Variants in PSMA8 observed in about 807,000 individuals in gnomAD.
PSMA8 encodes the protein proteasome subunit alpha-type 8.
PSMA8 carries 18 observed loss-of-function variants against 32.4 expected under a neutral mutation model. The observed-to-expected ratio is 0.56, with a 90% confidence interval of 0.38 to 0.82. The LOEUF (loss-of-function observed/expected upper bound fraction) is 0.82, where lower values mean the gene tolerates loss of function less well. PSMA8 is among the 40% of genes least tolerant of loss of function. PSMA8 has a pLI of 0.00. For missense variants in PSMA8, 298 were observed against 300.7 expected, an observed-to-expected ratio of 0.99 and a Z score of 0.07; for synonymous variants, 104 against 98.1, an observed-to-expected ratio of 1.06 and a Z score of -0.36.
intron 4 of PSMA8, among the ~76,000 whole-genome samples, chr18:26,167,230 G>A (rs547589863): frequency 3.2e-4 from 49 of 152,162 alleles, no homozygotes; most frequent in Non-Finnish European, 4.4e-5. Flanking sequence ...TCTGAGAAGG[G>A]CATTAAAATA....
rs1598641443 is a variant in PSMA8, at chr18:26,141,422, G to A, written c.103-3137G>A. 2.0e-5 allele frequency among the ~76,000 whole-genome samples: 3 copies of A among 152,068 alleles called. No individual in the cohort carries two copies. In the East Asian group the frequency reaches 5.8e-4, roughly 29 times the overall value. On this transcript the variant is annotated intron_variant, in intron 1 of 6. Transcript: ENST00000415576. ...TATGAGAGTTATAAATTGTTGTCTTGTGACCAATAAATTTAACTTGATTTA... is the reference window on the plus strand; with the variant it reads ...TATGAGAGTTATAAATTGTTGTCTTATGACCAATAAATTTAACTTGATTTA...
chr18:26,179,053 C>T lies in PSMA8; in HGVS notation c.598-15C>T, dbSNP rs777456812. 6.2e-7 allele frequency: 1 copy of T among 1,610,742 alleles called. No individual in the cohort carries two copies. Among genetic ancestry groups the T allele is most frequent in the Non-Finnish European group, 8.5e-7 (1 of 1,178,516 alleles). On this transcript the variant is annotated splice_polypyrimidine_tract_variant and intron_variant, in intron 5 of 6. Coordinates refer to ENST00000415576, the MANE Select transcript of PSMA8 (RefSeq NM_001025096.2). ...TTGCTGAAATAATTCTAATAGTGTA[C>T]TTGTTCTACATTAGGTTGTCCAGTC...
At chr18:26,164,786 A>G (rs1164678925) in intron 4 of PSMA8, among the ~76,000 whole-genome samples, 1 of 152,208 alleles carries the variant, frequency 6.6e-6, no homozygotes, top group Non-Finnish European at 1.5e-5. Context: ...TGGATTGTAT[A>G]TTAGATAATG....
chr18:26,187,238 CAG>C lies in PSMA8; in HGVS notation c.661-5080_661-5079del, dbSNP rs537165113. On this transcript the variant is annotated intron_variant, in intron 6 of 6. Transcript: ENST00000415576. ...GTGTGCGCCTGTTGTCCCAGCTACTCAGGGGGCTGAGGCAGGAGAATCACTTG... is the reference window on the plus strand; with the variant it reads ...GTGTGCGCCTGTTGTCCCAGCTACTCGGGGCTGAGGCAGGAGAATCACTTG... Among the ~76,000 whole-genome samples the C allele has an allele frequency of 5.2e-3, 788 of 152,208 alleles. 7 individuals are homozygous for C. The highest frequency in any genetic ancestry group is 0.018 in the African/African-American group (745 of 41,518).
At chr18:26,160,505 G>A (rs1199282744) in intron 4 of PSMA8, among the ~76,000 whole-genome samples, 2 of 152,074 alleles carry the variant, frequency 1.3e-5, no homozygotes, top group Admixed American at 1.3e-4. Context: ...CTACTTCTGG[G>A]AACTATAACA....
chr18:26,140,365 A>C (rs781257063), intron 1 of PSMA8, among the ~76,000 whole-genome samples: 1 of 151,848 alleles, frequency 6.6e-6, no homozygotes, highest in Non-Finnish European at 1.5e-5. Flanking sequence ...TACCCACGTT[A>C]CTCTCCTTAC....
rs1268336778 is a variant in PSMA8 at position 26,133,924 on chromosome 18, A to G, written c.-42A>G. 6.5e-7 allele frequency: 1 copy of G among 1,529,458 alleles called. No individual in the cohort carries two copies. Among genetic ancestry groups the G allele is most frequent in the Non-Finnish European group, 9.1e-7 (1 of 1,104,594 alleles). The allele number at this position is 1,529,458 out of a possible 1,614,324, so 94.7% of individuals were successfully genotyped here. A position where few individuals can be genotyped will look rare whatever the true frequency, so the allele number is the denominator to read the frequency against. ...GCGGCTCCCCGCTTGCCTCAGCTGC[A>G]GCAGCGGGAAGCTCGGTGGCAAGCC... On this transcript the variant is annotated 5_prime_UTR_variant, in exon 1 of 7. Transcript: ENST00000415576.
chr18:26,145,227 T>C (rs2054992960), intron 2 of PSMA8, among the ~76,000 whole-genome samples: 1 of 152,184 alleles, frequency 6.6e-6, no homozygotes, highest in Non-Finnish European at 1.5e-5. Context: ...CAAGCAATTC[T>C]CCTGCCTCAG....
intron 4 of PSMA8, chr18:26,170,873 C>T: frequency 1.9e-6 from 3 of 1,559,488 alleles, no homozygotes; most frequent in South Asian, 2.2e-5. Context: ...CTTGCATGAT[C>T]CTTGTCACAA....
chr18:26,158,129 C>T lies in PSMA8; in HGVS notation c.362C>T (p.Thr121Ile). 1 of 1,583,022 alleles carries T rather than the reference C, an allele frequency of 6.3e-7. No individual in the cohort carries two copies. Among genetic ancestry groups the T allele is most frequent in the Non-Finnish European group, 8.6e-7 (1 of 1,159,478 alleles). ...TACGTTTTATTTTTCTAGAAATATA[C>T]CCAAAGCAATGGACGAAGACCTTTT... Reference protein sequence around the residue: ...RFIATLKQKYTQSNGRRPFGI... With the variant: ...RFIATLKQKYIQSNGRRPFGI... Residue 121 changes from threonine (T) to isoleucine (I), a missense_variant, in exon 4 of 7, where the codon ACC becomes ATC. By Grantham distance (89) the Thr-to-Ile change is moderately conservative. Transcript: ENST00000415576.
chr18:26,189,036 A>G (rs1478231194), intron 6 of PSMA8, among the ~76,000 whole-genome samples: 1 of 152,192 alleles, frequency 6.6e-6, no homozygotes, highest in Non-Finnish European at 1.5e-5. Context: ...GAAACAATCA[A>G]CAAAGTGAGG....
intron 1 of PSMA8, among the ~76,000 whole-genome samples, chr18:26,134,559 T>C (rs2054895708): frequency 6.6e-6 from 1 of 152,054 alleles, no homozygotes; most frequent in Non-Finnish European, 1.5e-5. Flanking sequence ...AAAATAAAAG[T>C]TGGCCACACC....
At chr18:26,186,259 A>AC (rs2055353011) in intron 6 of PSMA8, among the ~76,000 whole-genome samples, 1 of 134,176 alleles carries the variant, frequency 7.5e-6, no homozygotes, top group African/African-American at 3.7e-5. Flanking sequence ...AAAAAAAAAA[A>AC]AAAAAAAAAA....
At chr18:26,134,099 C>A in intron 1 of PSMA8, 32 bp downstream of exon 1, 2 of 1,523,662 alleles carry the variant, frequency 1.3e-6, no homozygotes, top group Non-Finnish European at 1.8e-6. Flanking sequence ...GACTATTCCC[C>A]GCTCTGACCT....
At chr18:26,174,875 C>T (rs1244997858) in intron 4 of PSMA8, among the ~76,000 whole-genome samples, 1 of 152,170 alleles carries the variant, frequency 6.6e-6, no homozygotes, top group East Asian at 1.9e-4. Flanking sequence ...CTTCTAGAAG[C>T]AGGTAAAATA....
Position 26,171,335 on chromosome 18 carries a change from G to A in PSMA8, c.478-7495G>A, listed in dbSNP as rs572586828. On this transcript the variant is annotated intron_variant, in intron 4 of 6. Coordinates refer to ENST00000415576, the MANE Select transcript of PSMA8 (RefSeq NM_001025096.2). ...GCCCGCTCGTTACAGCAGAACGCGCGGTCAAGTTTGGCGCGAAATTGTCGG... is the reference window on the plus strand; with the variant it reads ...GCCCGCTCGTTACAGCAGAACGCGCAGTCAAGTTTGGCGCGAAATTGTCGG... 1.2e-5 allele frequency: 18 copies of A among 1,447,246 alleles called. 2 individuals carry two copies. Among genetic ancestry groups the A allele is most frequent in the East Asian group, 7.7e-5 (3 of 39,058 alleles). The allele number at this position is 1,447,246 out of a possible 1,614,324, so 89.7% of individuals were successfully genotyped here. A position where few individuals can be genotyped will look rare whatever the true frequency, so the allele number is the denominator to read the frequency against.
At chr18:26,190,484 C>T (rs2055393131) in intron 6 of PSMA8, among the ~76,000 whole-genome samples, 1 of 152,204 alleles carries the variant, frequency 6.6e-6, no homozygotes, top group South Asian at 2.1e-4. Flanking sequence ...CGCAGTGGCT[C>T]ATGCCTGTAA....
At chr18:26,145,834 T>A (rs2054998519) in intron 2 of PSMA8, among the ~76,000 whole-genome samples, 1 of 152,174 alleles carries the variant, frequency 6.6e-6, no homozygotes, top group Non-Finnish European at 1.5e-5. Context: ...GTTTACAGAT[T>A]TTTGAGTGAA....
At chr18:26,181,226 T>C (rs906386471) in intron 6 of PSMA8, among the ~76,000 whole-genome samples, 1 of 152,192 alleles carries the variant, frequency 6.6e-6, no homozygotes, top group African/African-American at 2.4e-5. Context: ...AATGTAATTA[T>C]TATATAACGG....
Sources: allele counts gnomAD v4.1 joint callset (sites outside exome capture counted in the v4.1 genomes callset), GRCh38; gene constraint gnomAD v4.1.1; transcripts MANE v1.5; gene names NCBI Gene and HGNC (gene_info 2026-07-23, HGNC 2026-07-21).